Variants in RAD51B observed in about 807,000 individuals in gnomAD.
RAD51B encodes the protein RAD51 paralog B.
RAD51B carries 38 observed loss-of-function variants against 42.2 expected under a neutral mutation model. The ratio of observed to expected loss-of-function variants is 0.90; its 90% CI spans 0.70 to 1.18. The LOEUF (loss-of-function observed/expected upper bound fraction) is 1.18, where lower values mean the gene tolerates loss of function less well. Ranked by LOEUF, RAD51B falls within the 50% of genes most tolerant of loss-of-function variation. RAD51B has a pLI of 0.00. For missense variants in RAD51B, 373 were observed against 400.7 expected, an observed-to-expected ratio of 0.93 and a Z score of 0.59; for synonymous variants, 154 against 145.2, an observed-to-expected ratio of 1.06 and a Z score of -0.43.
intron 10 of RAD51B, among the ~76,000 whole-genome samples, chr14:68,542,791 T>G (rs1362783891): frequency 1.3e-5 from 2 of 152,236 alleles, no homozygotes; most frequent in Non-Finnish European, 1.5e-5. Flanking sequence ...CGAGACCAGA[T>G]GTCTACAGGA....
At chr14:68,224,986 C>T (rs1428543025) in intron 7 of RAD51B, among the ~76,000 whole-genome samples, 7 of 151,878 alleles carry the variant, frequency 4.6e-5, no homozygotes, top group South Asian at 2.1e-4. Context: ...CCACTGCGCC[C>T]GGCCCAAAAA....
intron 8 of RAD51B, among the ~76,000 whole-genome samples, chr14:68,370,539 C>T (rs117573308): frequency 0.02 from 3,113 of 152,224 alleles, 39 homozygotes; most frequent in Middle Eastern, 0.054. Flanking sequence ...AGGAAGATTA[C>T]TTGGCCTGCT....
chr14:68,068,775 CTTA>C (rs886888924), intron 7 of RAD51B, among the ~76,000 whole-genome samples: 1 of 152,144 alleles, frequency 6.6e-6, no homozygotes, highest in Non-Finnish European at 1.5e-5. Context: ...CACACCAATA[CTTA>C]TTATTGTATA....
Position 68,472,838 on chromosome 14 carries a change from C to T in RAD51B, c.1036+4588C>T, listed in dbSNP as rs140056770. 2.4e-3 allele frequency among the ~76,000 whole-genome samples: 370 copies of T among 152,280 alleles called. 1 individual carries two copies. The highest frequency in any genetic ancestry group is 8.6e-3 in the African/African-American group (358 of 41,566). On this transcript the variant is annotated intron_variant, in intron 10 of 10. Coordinates refer to ENST00000471583, the MANE Select transcript of RAD51B (RefSeq NM_133510.4). ...AAGAAAACAGAAAACAAAGCAACAGCGATCTTTTTTAGAGCTGGAAAGCTA... is the reference window on the plus strand; with the variant it reads ...AAGAAAACAGAAAACAAAGCAACAGTGATCTTTTTTAGAGCTGGAAAGCTA...
intron 7 of RAD51B, among the ~76,000 whole-genome samples, chr14:68,261,649 AG>A (rs2080892477): frequency 6.6e-6 from 1 of 152,212 alleles, no homozygotes; most frequent in African/African-American, 2.4e-5. Context: ...GGGATTTTCC[AG>A]GGTAATTTTG....
chr14:68,369,262 T>C (rs2083203601), intron 8 of RAD51B, among the ~76,000 whole-genome samples: 1 of 152,250 alleles, frequency 6.6e-6, no homozygotes, highest in South Asian at 2.1e-4. Flanking sequence ...TGGGTTTGGC[T>C]ATTGTAAAAT....
chr14:68,125,616 GA>G (rs1423414860), intron 7 of RAD51B, among the ~76,000 whole-genome samples: 1 of 151,950 alleles, frequency 6.6e-6, no homozygotes, highest in East Asian at 1.9e-4. Flanking sequence ...CAGGTTTGTA[GA>G]AAAAAAATCT....
At chr14:68,588,264 G>A (rs1398744591) in intron 10 of RAD51B, among the ~76,000 whole-genome samples, 1 of 152,082 alleles carries the variant, frequency 6.6e-6, no homozygotes, top group African/African-American at 2.4e-5. Flanking sequence ...TGTGAGGCTC[G>A]ACCTGGTACC....
chr14:68,382,910 G>A (rs190063347), intron 8 of RAD51B, among the ~76,000 whole-genome samples: 4 of 151,848 alleles, frequency 2.6e-5, no homozygotes, highest in Non-Finnish European at 5.9e-5. Context: ...CTTTTTTTTG[G>A]CCTGGGTGCA....
At chr14:68,002,430 T>C (rs1237611830) in intron 7 of RAD51B, among the ~76,000 whole-genome samples, 1 of 152,200 alleles carries the variant, frequency 6.6e-6, no homozygotes, top group Admixed American at 6.5e-5. Context: ...TGCTGGATGT[T>C]AGACCTTTGT....
At chr14:68,574,861 G>C (rs1207884995) in intron 10 of RAD51B, among the ~76,000 whole-genome samples, 4 of 152,222 alleles carry the variant, frequency 2.6e-5, no homozygotes, top group African/African-American at 9.6e-5. Flanking sequence ...AATTTAGCAA[G>C]GATTTTTGGT....
chr14:68,639,905 T>C (rs1018208944), intron 10 of RAD51B, among the ~76,000 whole-genome samples: 16 of 151,654 alleles, frequency 1.1e-4, no homozygotes, highest in Admixed American at 9.2e-4. Flanking sequence ...TTCTCCTGAG[T>C]AGCTGGGATT....
At chr14:68,266,596 A>G (rs2080996600) in intron 7 of RAD51B, among the ~76,000 whole-genome samples, 1 of 152,160 alleles carries the variant, frequency 6.6e-6, no homozygotes, top group South Asian at 2.1e-4. Context: ...AGGGTGCCAT[A>G]TTTGGGGGTA....
chr14:68,481,119 T>C (rs1211505015), downstream of RAD51B, among the ~76,000 whole-genome samples: 1 of 152,200 alleles, frequency 6.6e-6, no homozygotes, highest in Non-Finnish European at 1.5e-5. Flanking sequence ...GGTAAATGTA[T>C]ATGTTTTTCT....
At chr14:68,237,041 C>A (rs1423599814) in intron 7 of RAD51B, among the ~76,000 whole-genome samples, 1 of 152,204 alleles carries the variant, frequency 6.6e-6, no homozygotes, top group Non-Finnish European at 1.5e-5. Flanking sequence ...TGCCTTTATT[C>A]ACCTGCTATT....
At chr14:68,068,894 A>G (rs2076697060) in intron 7 of RAD51B, among the ~76,000 whole-genome samples, 1 of 152,176 alleles carries the variant, frequency 6.6e-6, no homozygotes, top group South Asian at 2.1e-4. Flanking sequence ...ATTCTTAGCA[A>G]GATTCACTCA....
chr14:68,352,286 T>TA (rs1487500618), intron 8 of RAD51B, among the ~76,000 whole-genome samples: 1 of 152,242 alleles, frequency 6.6e-6, no homozygotes, highest in Non-Finnish European at 1.5e-5. Flanking sequence ...CTGTAACTAT[T>TA]ACTTATCAGT....
At chr14:68,324,650 A>G (rs1481094250) in intron 8 of RAD51B, among the ~76,000 whole-genome samples, 1 of 152,176 alleles carries the variant, frequency 6.6e-6, no homozygotes, top group Admixed American at 6.5e-5. Context: ...ATTAATGTTG[A>G]ATATAAAGTT....
intron 5 of RAD51B, among the ~76,000 whole-genome samples, chr14:67,865,931 T>C (rs976038745): frequency 1.3e-5 from 2 of 152,238 alleles, no homozygotes; most frequent in East Asian, 1.9e-4. Context: ...CTAATGGATC[T>C]AGGCATTTAA....
Sources: allele counts gnomAD v4.1 joint callset (sites outside exome capture counted in the v4.1 genomes callset), GRCh38; gene constraint gnomAD v4.1.1; transcripts MANE v1.5; gene names NCBI Gene and HGNC (gene_info 2026-07-23, HGNC 2026-07-21).